Variants in ADAMTSL1 observed in about 807,000 individuals in gnomAD.
ADAMTSL1 encodes ADAMTS like 1.
A neutral mutation model predicts 201.8 loss-of-function variants in ADAMTSL1; 126 were observed. The ratio of observed to expected loss-of-function variants is 0.62; its 90% CI spans 0.54 to 0.72. The LOEUF (loss-of-function observed/expected upper bound fraction) is 0.72, where lower values mean the gene tolerates loss of function less well. Among genes scored for constraint, ADAMTSL1 ranks in the 30% least tolerant of loss-of-function variants. The pLI, the probability that ADAMTSL1 is intolerant of heterozygous loss-of-function variation, is 0.00. For missense variants in ADAMTSL1, 2,679 were observed against 2,277.8 expected, an observed-to-expected ratio of 1.18 and a Z score of -3.59; for synonymous variants, 1,121 against 903.4, an observed-to-expected ratio of 1.24 and a Z score of -4.32.
chr9:18,315,473 C>A (rs1684482430), intron 2 of ADAMTSL1, among the ~76,000 whole-genome samples: 2 of 152,064 alleles, frequency 1.3e-5, no homozygotes, highest in Non-Finnish European at 2.9e-5. Context: ...GGCTGCAGGT[C>A]CTGAGCCCTG....
At chr9:18,244,308 C>T (rs1236719897) in intron 2 of ADAMTSL1, among the ~76,000 whole-genome samples, 2 of 152,116 alleles carry the variant, frequency 1.3e-5, no homozygotes, top group South Asian at 2.1e-4. Flanking sequence ...ACCTCTCCCT[C>T]ATTTCTCTTC....
intron 4 of ADAMTSL1, among the ~76,000 whole-genome samples, chr9:18,602,179 C>T (rs966955234): frequency 6.6e-6 from 1 of 152,170 alleles, no homozygotes; most frequent in African/African-American, 2.4e-5. Flanking sequence ...GCTGCCTTTA[C>T]AATGAATTGC....
rs1426536922 is a variant in ADAMTSL1 at position 18,294,011 on chromosome 9, C to T, written c.207+130030C>T. 4.6e-5 allele frequency among the ~76,000 whole-genome samples: 7 copies of T among 152,292 alleles called. No individual in the cohort carries two copies. In the East Asian group the frequency reaches 1.2e-3, roughly 25 times the overall value. On this transcript the variant is annotated intron_variant, in intron 2 of 29. Transcript: ENST00000680146. ...AATAGGAAAAATCAGTTACCAGACT[C>T]AGAACCATGAATCTAAGTTGTCATC...
chr9:18,368,004 A>T (rs997694099), intron 2 of ADAMTSL1, among the ~76,000 whole-genome samples: 1 of 151,612 alleles, frequency 6.6e-6, no homozygotes, highest in Non-Finnish European at 1.5e-5. Flanking sequence ...GGTTCACGCC[A>T]TTCTCCTGCC....
chr9:18,645,159 T>G (rs1331226992), intron 7 of ADAMTSL1, among the ~76,000 whole-genome samples: 1 of 152,228 alleles, frequency 6.6e-6, no homozygotes, highest in South Asian at 2.1e-4. Flanking sequence ...CATTTTTTCA[T>G]GTGTCTTTTG....
intron 2 of ADAMTSL1, among the ~76,000 whole-genome samples, chr9:18,530,515 T>A (rs990367300): frequency 6.6e-6 from 1 of 152,170 alleles, no homozygotes; most frequent in African/African-American, 2.4e-5. Flanking sequence ...ACTCACCTAC[T>A]GCAATTCCCC....
intron 4 of ADAMTSL1, among the ~76,000 whole-genome samples, chr9:18,575,403 T>C (rs564139431): frequency 4.7e-4 from 71 of 152,272 alleles, no homozygotes; most frequent in Non-Finnish European, 7.9e-4. Flanking sequence ...GATATATGAA[T>C]TTCAGGTGTA....
At chr9:18,060,517 A>G (rs555247897) in intron 1 of ADAMTSL1, among the ~76,000 whole-genome samples, 2 of 152,338 alleles carry the variant, frequency 1.3e-5, no homozygotes, top group South Asian at 2.1e-4. Context: ...AAGACTAAAC[A>G]TAAAGCCAGT....
intron 2 of ADAMTSL1, among the ~76,000 whole-genome samples, chr9:18,223,648 A>G (rs1563818219): frequency 6.6e-6 from 1 of 152,120 alleles, no homozygotes; most frequent in Non-Finnish European, 1.5e-5. Context: ...ACTACTTCAT[A>G]CCTGCAAGCA....
At chr9:18,622,208 G>T in intron 4 of ADAMTSL1, 35 bp from the exon 5 acceptor site, 1 of 1,608,768 alleles carries the variant, frequency 6.2e-7, no homozygotes, top group Non-Finnish European at 8.5e-7. Context: ...ATCGGTAGGT[G>T]CTTGGTTGAA....
chr9:17,925,526 T>TA (rs1156606650), intron 1 of ADAMTSL1, among the ~76,000 whole-genome samples: 1 of 100,692 alleles, frequency 9.9e-6, no homozygotes, highest in Non-Finnish European at 2.1e-5. Context: ...TATGCAGCCA[T>TA]AAAAAATGAT....
chr9:18,275,137 A>G (rs1421208970), intron 2 of ADAMTSL1, among the ~76,000 whole-genome samples: 2 of 152,174 alleles, frequency 1.3e-5, no homozygotes, highest in East Asian at 1.9e-4. Context: ...ATACAATTCA[A>G]TTGGGAGTAT....
At chr9:18,094,746 T>C (rs972615031) in intron 1 of ADAMTSL1, among the ~76,000 whole-genome samples, 1 of 151,916 alleles carries the variant, frequency 6.6e-6, no homozygotes, top group African/African-American at 2.4e-5. Context: ...TTTTGTATTT[T>C]TTGTAGAGAC....
chr9:18,316,828 T>A (rs1157826737), intron 2 of ADAMTSL1, among the ~76,000 whole-genome samples: 1 of 152,192 alleles, frequency 6.6e-6, no homozygotes, highest in Non-Finnish European at 1.5e-5. Context: ...ATCTTTACAA[T>A]CCACGTTCTT....
At chr9:18,723,885 A>G (rs537524076) in intron 15 of ADAMTSL1, 2 of 152,318 alleles carry the variant, frequency 1.3e-5, no homozygotes, top group East Asian at 1.9e-4. Context: ...CTGGTGTTCA[A>G]TGTATACAGA....
At chr9:17,954,623 C>T (rs1437178285) in intron 1 of ADAMTSL1, among the ~76,000 whole-genome samples, 1 of 152,136 alleles carries the variant, frequency 6.6e-6, no homozygotes, top group Non-Finnish European at 1.5e-5. Flanking sequence ...TGGAAGGAAT[C>T]ATGCTTGATT....
chr9:18,355,625 T>A (rs1055062034), intron 2 of ADAMTSL1, among the ~76,000 whole-genome samples: 1 of 152,220 alleles, frequency 6.6e-6, no homozygotes, highest in Non-Finnish European at 1.5e-5. Context: ...CCAAAGGGAA[T>A]GTTAAAAGGG....
At position 18,406,466 on chromosome 9, in the gene ADAMTSL1, T is replaced by A. The variant is rs575918203; in HGVS notation, c.208-98363T>A. Among the ~76,000 whole-genome samples, 278 of 152,100 alleles carry A rather than the reference T, an allele frequency of 1.8e-3. 2 individuals carry two copies. The highest frequency in any genetic ancestry group is 6.2e-3 in the African/African-American group (259 of 41,492). ...GCCTCAGCCTCCCACGTAGCTGGGA[T>A]TACAGGCACACGTCACATTGCCCGG... is the stretch of plus-strand genomic sequence containing the variant. On this transcript the variant is annotated intron_variant, in intron 2 of 29. Coordinates refer to the ADAMTSL1 transcript ENST00000680146.
At chr9:17,982,379 C>T (rs901390876) in intron 1 of ADAMTSL1, among the ~76,000 whole-genome samples, 5 of 152,106 alleles carry the variant, frequency 3.3e-5, no homozygotes, top group South Asian at 2.1e-4. Flanking sequence ...CTTTGGGAGG[C>T]GGAGGTGGGT....
Sources: gnomAD v4.1 joint callset for allele counts (sites outside exome capture counted in the v4.1 genomes callset) on GRCh38, gnomAD v4.1.1 for gene constraint, MANE v1.5 for transcripts, NCBI Gene and HGNC (gene_info 2026-07-23, HGNC 2026-07-21) for gene names.